SRD5A1: variants seen among roughly 807,000 people sequenced by gnomAD.
The protein encoded by SRD5A1 is 3-oxo-5-alpha-steroid 4-dehydrogenase 1.
A neutral mutation model predicts 28.2 loss-of-function variants in SRD5A1; 22 were observed. That is an observed-to-expected ratio of 0.78 (90% CI 0.56 to 1.12). The LOEUF is 1.12. Ranked by LOEUF, SRD5A1 falls within the 50% of genes most tolerant of loss-of-function variation. SRD5A1 has a pLI of 0.00. For synonymous variants in SRD5A1, 151 were observed against 135.0 expected, an observed-to-expected ratio of 1.12 and a Z score of -0.82; for missense variants, 300 against 346.7, an observed-to-expected ratio of 0.87 and a Z score of 1.07.
chr5:6,634,005 G>A, intron 1 of SRD5A1, 136 bp downstream of exon 1: 1 of 929,098 alleles, frequency 1.1e-6, no homozygotes, highest in Non-Finnish European at 1.6e-6. Flanking sequence ...CCCCCGGGGC[G>A]TCCCCCATCT....
intron 1 of SRD5A1, among the ~76,000 whole-genome samples, chr5:6,638,111 G>C (rs1308482246): frequency 6.6e-6 from 1 of 152,196 alleles, no homozygotes; most frequent in Non-Finnish European, 1.5e-5. Flanking sequence ...GGCCGAGGAA[G>C]GTGGATCACA....
At chr5:6,633,912 G>A (rs1163812359) in intron 1 of SRD5A1, 43 bp downstream of exon 1, 1 of 1,586,786 alleles carries the variant, frequency 6.3e-7, no homozygotes, top group Non-Finnish European at 8.5e-7. Flanking sequence ...CTCCCGGCCC[G>A]GCGTCCTCTC....
At chr5:6,661,571 C>T (rs1269525290) in intron 3 of SRD5A1, among the ~76,000 whole-genome samples, 2 of 129,196 alleles carry the variant, frequency 1.5e-5, no homozygotes, top group Non-Finnish European at 3.1e-5. Context: ...CTAGGTCTGT[C>T]ACCCAGGCTG....
At chr5:6,641,677 C>A (rs1244525891) in intron 1 of SRD5A1, among the ~76,000 whole-genome samples, 1 of 152,218 alleles carries the variant, frequency 6.6e-6, no homozygotes, top group Non-Finnish European at 1.5e-5. Context: ...TTGTAAGGCT[C>A]GGTTTCCAGT....
chr5:6,640,143 TTGCC>T (rs1213641371), intron 1 of SRD5A1, among the ~76,000 whole-genome samples: 3 of 152,306 alleles, frequency 2.0e-5, no homozygotes, highest in East Asian at 3.9e-4. Flanking sequence ...AAAAGGGACA[TTGCC>T]AGCCAGCCCT....
chr5:6,659,405 G>A (rs976354626), intron 3 of SRD5A1, among the ~76,000 whole-genome samples: 14 of 152,078 alleles, frequency 9.2e-5, no homozygotes, highest in African/African-American at 1.2e-4. Context: ...GAGCCACCGT[G>A]CCCGGCCAAA....
At chr5:6,645,782 ACT>A (rs1420780281) in intron 1 of SRD5A1, among the ~76,000 whole-genome samples, 2 of 151,566 alleles carry the variant, frequency 1.3e-5, no homozygotes. Context: ...CTCCACCCTG[ACT>A]CTATTTTTGC....
intron 2 of SRD5A1, among the ~76,000 whole-genome samples, chr5:6,652,587 CT>C (rs1350139960): frequency 6.6e-6 from 1 of 152,090 alleles, no homozygotes; most frequent in Non-Finnish European, 1.5e-5. Flanking sequence ...AAAATTAACA[CT>C]CTGGCTGGGT....
intron 1 of SRD5A1, among the ~76,000 whole-genome samples, chr5:6,650,002 A>T (rs1738623784): frequency 6.6e-6 from 1 of 152,228 alleles, no homozygotes; most frequent in African/African-American, 2.4e-5. Flanking sequence ...TGCCTTTTCT[A>T]GAATTTCATA....
chr5:6,659,335 G>C (rs375137696), intron 3 of SRD5A1, among the ~76,000 whole-genome samples: 38 of 151,894 alleles, frequency 2.5e-4, no homozygotes, highest in East Asian at 2.4e-3. Flanking sequence ...GGATGGTCTC[G>C]ATCTCCTGAC....
At chr5:6,646,115 A>G (rs1265372586) in intron 1 of SRD5A1, among the ~76,000 whole-genome samples, 1 of 152,000 alleles carries the variant, frequency 6.6e-6, no homozygotes, top group Non-Finnish European at 1.5e-5. Flanking sequence ...TGTTCTTGTG[A>G]TAGTTTGCTG....
chr5:6,645,608 C>T (rs1181293349), intron 1 of SRD5A1, among the ~76,000 whole-genome samples: 1 of 150,562 alleles, frequency 6.6e-6, no homozygotes, highest in Non-Finnish European at 1.5e-5. Flanking sequence ...CACTGCACTC[C>T]AGCCTGGACC....
chr5:6,648,401 A>G (rs1024597486), intron 1 of SRD5A1, among the ~76,000 whole-genome samples: 2 of 152,194 alleles, frequency 1.3e-5, no homozygotes, highest in Non-Finnish European at 2.9e-5. Context: ...TCTCCCCGTC[A>G]CTTTCAGGTA....
chr5:6,658,051 G>T (rs536862523), intron 3 of SRD5A1, among the ~76,000 whole-genome samples: 3 of 152,220 alleles, frequency 2.0e-5, no homozygotes, highest in African/African-American at 4.8e-5. Flanking sequence ...GAGGCCAAGC[G>T]TGGTGGCTGA....
chr5:6,645,003 A>G (rs1340666548), intron 1 of SRD5A1: 1 of 455,908 alleles, frequency 2.2e-6, no homozygotes, highest in Non-Finnish European at 4.4e-6. Context: ...CAACATCTGA[A>G]TGCACACTTA....
intron 1 of SRD5A1, among the ~76,000 whole-genome samples, chr5:6,641,164 C>T (rs1738344925): frequency 6.6e-6 from 1 of 152,154 alleles, no homozygotes; most frequent in African/African-American, 2.4e-5. Context: ...CCCCATGGCC[C>T]TAAGTAGGAC....
intron 1 of SRD5A1, among the ~76,000 whole-genome samples, chr5:6,651,531 A>G (rs1468302608): frequency 6.6e-6 from 1 of 152,134 alleles, no homozygotes; most frequent in Non-Finnish European, 1.5e-5. Context: ...GTGGTGGCAC[A>G]TGCTTGTAGT....
At chr5:6,664,412 A>ATT (rs111346175) in intron 4 of SRD5A1, among the ~76,000 whole-genome samples, 1 of 150,570 alleles carries the variant, frequency 6.6e-6, no homozygotes, top group Non-Finnish European at 1.5e-5. Context: ...TCTTTGTCTA[A>ATT]TTTTTTTTTT....
Position 6,671,423 on chromosome 5 carries a change from T to G in SRD5A1, c.*3155T>G, listed in dbSNP as rs1276261038. On this transcript the variant is annotated 3_prime_UTR_variant, in exon 5 of 5. Transcript: ENST00000274192. ...GGATATTAGTCCTTTGTCTGATGTA[T>G]AGATTGTGAAGATTTTCTCCCACTC... 8.5e-6 allele frequency: 1 copy of G among 118,250 alleles called. No homozygotes were observed. The highest frequency in any genetic ancestry group is 1.5e-5 in the Non-Finnish European group (1 of 66,028). 7.3% of individuals were successfully genotyped at this position (118,250 alleles called of 1,614,324 possible).
Sources: gnomAD v4.1 joint callset for allele counts (sites outside exome capture counted in the v4.1 genomes callset) on GRCh38, gnomAD v4.1.1 for gene constraint, MANE v1.5 for transcripts, NCBI Gene and HGNC (gene_info 2026-07-23, HGNC 2026-07-21) for gene names.